Variants in RBMS3 observed in about 807,000 individuals in gnomAD.
RBMS3 encodes RNA-binding motif, single-stranded-interacting protein 3.
In RBMS3, 27 loss-of-function variants were observed where a neutral mutation model predicts 66.8. The ratio of observed to expected loss-of-function variants is 0.40; its 90% confidence interval spans 0.30 to 0.56. The LOEUF is 0.56. RBMS3 is among the 20% of genes least tolerant of loss of function. RBMS3 has a pLI of 0.40. For missense variants in RBMS3, 513 were observed against 549.5 expected (o/e 0.93, Z 0.66); for synonymous variants, 188 against 183.0 (o/e 1.03, Z -0.22).
rs2043688343 is a variant in RBMS3 at position 29,495,030 on chromosome 3, AGC to A, written c.307+6532_307+6533del. 2.0e-5 allele frequency among the ~76,000 whole-genome samples: 3 copies of A among 148,070 alleles called. No homozygotes were observed. In the South Asian group the frequency reaches 6.3e-4, roughly 31 times the overall value. ...TTATGTTACCTTTGACATAACATTG[AGC>A]CCTTAAAATCAAAATTGGAGACAAG... On this transcript the variant is annotated intron_variant, in intron 3 of 14. Transcript: ENST00000383767.
intron 14 of RBMS3, among the ~76,000 whole-genome samples, chr3:29,995,059 A>G (rs1699128441): frequency 6.6e-6 from 1 of 152,236 alleles, no homozygotes; most frequent in Non-Finnish European, 1.5e-5. Context: ...TAGAATAACC[A>G]ATACAGGGAA....
At chr3:29,363,963 T>A (rs2037757268) in intron 1 of RBMS3, among the ~76,000 whole-genome samples, 1 of 152,148 alleles carries the variant, frequency 6.6e-6, no homozygotes, top group Admixed American at 6.6e-5. Context: ...TACTATTAAG[T>A]ATAACTTAGA....
intron 5 of RBMS3, among the ~76,000 whole-genome samples, chr3:29,744,860 A>T (rs148857263): frequency 6.6e-6 from 1 of 152,024 alleles, no homozygotes; most frequent in African/African-American, 2.4e-5. Flanking sequence ...ATTGTTGTAC[A>T]TATCTCTTGA....
chr3:29,699,503 T>A (rs1248144366), intron 4 of RBMS3, among the ~76,000 whole-genome samples: 2 of 124,070 alleles, frequency 1.6e-5, no homozygotes, highest in Non-Finnish European at 3.4e-5. Flanking sequence ...AAAATGAAAA[T>A]CAACTATAAT....
intron 6 of RBMS3, among the ~76,000 whole-genome samples, chr3:29,784,910 A>T (rs1253514712): frequency 1.3e-5 from 2 of 152,074 alleles, no homozygotes; most frequent in Non-Finnish European, 2.9e-5. Flanking sequence ...ACACCTTTAC[A>T]TGCATAAACT....
intron 1 of RBMS3, among the ~76,000 whole-genome samples, chr3:29,352,091 A>G (rs1049987923): frequency 6.6e-6 from 1 of 152,036 alleles, no homozygotes; most frequent in Non-Finnish European, 1.5e-5. Flanking sequence ...TACATTTGCT[A>G]TAGATCTATC....
intron 2 of RBMS3, among the ~76,000 whole-genome samples, chr3:29,478,646 G>A (rs1397094588): frequency 6.6e-6 from 1 of 152,192 alleles, no homozygotes; most frequent in Non-Finnish European, 1.5e-5. Context: ...TACATATGTT[G>A]CAGATTTAAT....
chr3:29,939,339 T>A (rs1470158286), intron 11 of RBMS3, among the ~76,000 whole-genome samples: 3 of 151,974 alleles, frequency 2.0e-5, no homozygotes, highest in Admixed American at 1.3e-4. Context: ...AGAGAAGATG[T>A]ATTTTCCATG....
chr3:29,859,019 G>A lies in RBMS3; in HGVS notation c.638-9839G>A, dbSNP rs72848046. Reference sequence around the variant, plus strand: ...TTATATATAAAACCAAATATAAGCAGTAATCCATTACTGAGGGATAAAATT... The same window carrying A: ...TTATATATAAAACCAAATATAAGCAATAATCCATTACTGAGGGATAAAATT... On this transcript the variant is annotated intron_variant, in intron 6 of 14. Transcript: ENST00000383767. Among the ~76,000 whole-genome samples the A allele has an allele frequency of 6.9e-3, 1,056 of 152,262 alleles. 14 individuals carry two copies. Among genetic ancestry groups the A allele is most frequent in the African/African-American group, 0.025 (1,019 of 41,524 alleles).
intron 4 of RBMS3, among the ~76,000 whole-genome samples, chr3:29,590,221 C>T (rs1388115693): frequency 6.6e-6 from 1 of 151,930 alleles, no homozygotes; most frequent in East Asian, 1.9e-4. Context: ...TCTGGTACCA[C>T]CTGGCTGTGT....
At chr3:29,707,638 C>G (rs2052966594) in intron 4 of RBMS3, among the ~76,000 whole-genome samples, 1 of 152,196 alleles carries the variant, frequency 6.6e-6, no homozygotes, top group South Asian at 2.1e-4. Context: ...TGCTTTTTGT[C>G]TATCCTCTCA....
chr3:29,624,662 G>A (rs2048993270), intron 4 of RBMS3, among the ~76,000 whole-genome samples: 1 of 152,126 alleles, frequency 6.6e-6, no homozygotes, highest in African/African-American at 2.4e-5. Context: ...GTTTCTCATA[G>A]TTATATACGT....
intron 2 of RBMS3, among the ~76,000 whole-genome samples, chr3:29,440,654 C>G (rs535342725): frequency 6.6e-6 from 1 of 152,136 alleles, no homozygotes; most frequent in Non-Finnish European, 1.5e-5. Context: ...GCCAGAGGAA[C>G]GAAATAGAAG....
At chr3:29,370,468 C>G (rs1282623192) in intron 1 of RBMS3, among the ~76,000 whole-genome samples, 5 of 152,158 alleles carry the variant, frequency 3.3e-5, no homozygotes, top group African/African-American at 1.2e-4. Context: ...TTAGACTCAA[C>G]TATGCACACC....
chr3:29,724,463 A>G (rs1176965443), intron 4 of RBMS3, among the ~76,000 whole-genome samples: 1 of 151,972 alleles, frequency 6.6e-6, no homozygotes, highest in Admixed American at 6.6e-5. Context: ...TATTATCTCC[A>G]TTTTTCAGTC....
At chr3:29,991,626 C>T in intron 14 of RBMS3, 1 of 155,760 alleles carries the variant, frequency 6.4e-6, no homozygotes, top group Non-Finnish European at 1.4e-5. Context: ...TCTCATTAGC[C>T]AAAGCAAGTC....
chr3:29,964,128 C>G (rs1696668762), intron 12 of RBMS3, among the ~76,000 whole-genome samples: 1 of 152,174 alleles, frequency 6.6e-6, no homozygotes, highest in Non-Finnish European at 1.5e-5. Flanking sequence ...CCAGTTATAT[C>G]AGATCTTCCT....
chr3:29,837,094 G>C lies in RBMS3; in HGVS notation c.638-31764G>C, dbSNP rs183145156. Among the ~76,000 whole-genome samples the C allele has an allele frequency of 2.4e-4, 36 of 152,022 alleles. No individual in the cohort carries two copies. The East Asian group carries it at 6.4e-3, about 27-fold the overall frequency. On this transcript the variant is annotated intron_variant, in intron 6 of 14. Coordinates refer to ENST00000383767, the MANE Select transcript of RBMS3 (RefSeq NM_001003793.3). ...GGTGCTGCACTCAAATGATAGTTTTGATAACAGTGTTACATGGGGTCAATC... is the reference window on the plus strand; with the variant it reads ...GGTGCTGCACTCAAATGATAGTTTTCATAACAGTGTTACATGGGGTCAATC...
At chr3:29,920,153 G>T (rs1487562023) in intron 10 of RBMS3, among the ~76,000 whole-genome samples, 1 of 152,048 alleles carries the variant, frequency 6.6e-6, no homozygotes, top group Non-Finnish European at 1.5e-5. Flanking sequence ...GCCACATGGG[G>T]TTATAATCAA....
Sources: gnomAD v4.1 joint callset for allele counts (sites outside exome capture counted in the v4.1 genomes callset) on GRCh38, gnomAD v4.1.1 for gene constraint, MANE v1.5 for transcripts, NCBI Gene and HGNC (gene_info 2026-07-23, HGNC 2026-07-21) for gene names.